PLA2G5: variants seen among roughly 807,000 people sequenced by gnomAD.
PLA2G5 encodes the protein phospholipase A2 group V.
A neutral mutation model predicts 15.9 loss-of-function variants in PLA2G5; 12 were observed. That is an observed-to-expected ratio of 0.76 (90% CI 0.48 to 1.23). PLA2G5 has a LOEUF of 1.23. PLA2G5 is among the 50% of genes most tolerant of loss of function. The pLI, the probability that PLA2G5 is intolerant of heterozygous loss-of-function variation, is 0.00. For synonymous variants in PLA2G5, 71 were observed against 71.4 expected (o/e 0.99, Z 0.03); for missense variants, 169 against 177.1 (o/e 0.95, Z 0.26).
intron 1 of PLA2G5, among the ~76,000 whole-genome samples, chr1:20,082,081 A>G (rs2016061412): frequency 6.6e-6 from 1 of 151,870 alleles, no homozygotes; most frequent in Non-Finnish European, 1.5e-5. Context: ...AGGCAGAAGG[A>G]GAGACTGAGG....
chr1:20,060,738 C>CT (rs5772879), intron 2 of PLA2G5, among the ~76,000 whole-genome samples: 100 of 144,190 alleles, frequency 6.9e-4, no homozygotes, highest in South Asian at 1.1e-3. Context: ...TCTTTCTTTT[C>CT]TTTTTTTTTT....
chr1:20,072,833 C>T (rs144802600), intron 1 of PLA2G5, among the ~76,000 whole-genome samples: 3 of 152,298 alleles, frequency 2.0e-5, no homozygotes, highest in East Asian at 1.9e-4. Context: ...CTAGACGTGA[C>T]GGACATTCTG....
At chr1:20,081,410 GAT>G (rs11573248) in intron 1 of PLA2G5, among the ~76,000 whole-genome samples, 39,292 of 151,626 alleles carry the variant, frequency 0.26, 6,212 homozygotes, top group Middle Eastern at 0.37. Flanking sequence ...CCATTGAAAA[GAT>G]AGCTTGTTAT....
chr1:20,080,102 A>G (rs760692058), intron 1 of PLA2G5, among the ~76,000 whole-genome samples: 5 of 152,074 alleles, frequency 3.3e-5, no homozygotes, highest in Non-Finnish European at 7.4e-5. Flanking sequence ...TGAGCAAAAC[A>G]GGATAAAATC....
chr1:20,055,977 T>A lies in PLA2G5; in HGVS notation n.277-3655T>A, dbSNP rs114443882. Among the ~76,000 whole-genome samples, 1,056 of 152,288 alleles carry A rather than the reference T, an allele frequency of 6.9e-3. 9 individuals are homozygous for A. Among genetic ancestry groups the A allele is most frequent in the African/African-American group, 0.023 (968 of 41,550 alleles). On this transcript the variant is annotated intron_variant and non_coding_transcript_variant, in intron 1 of 6. Coordinates refer to the PLA2G5 transcript ENST00000460175. The stretch of plus-strand genomic sequence containing the variant: ...GTCTGCAGGGAGTTTAGGAGTTATC[T>A]GGGTAAGTATTTTCTGCATCTTGGC...
chr1:20,035,291 G>A (rs921887674), intron 1 of PLA2G5, among the ~76,000 whole-genome samples: 1 of 152,108 alleles, frequency 6.6e-6, no homozygotes, highest in African/African-American at 2.4e-5. Flanking sequence ...GGGTGGGAGG[G>A]GAGTTGCGGG....
chr1:20,073,920 A>G lies in PLA2G5; in HGVS notation c.-11+3455A>G, dbSNP rs554554099. ...CCCTCTGCTACCTGCTAATAATATAACAAAGAACAAGATGAACATGTTTCC... is the reference window on the plus strand; with the variant it reads ...CCCTCTGCTACCTGCTAATAATATAGCAAAGAACAAGATGAACATGTTTCC... On this transcript the variant is annotated intron_variant, in intron 1 of 4. Coordinates refer to ENST00000375108, the MANE Select transcript of PLA2G5 (RefSeq NM_000929.3). 3.3e-5 allele frequency among the ~76,000 whole-genome samples: 5 copies of G among 152,276 alleles called. No homozygotes were observed. The South Asian group carries it at 1.0e-3, about 32-fold the overall frequency.
In PLA2G5 at chr1:20,090,920, G is replaced by A. The variant is rs2016538253; in HGVS notation, c.*228G>A. 2.1e-6 allele frequency: 1 copy of A among 472,816 alleles called. No individual in the cohort carries two copies. 29.3% of individuals were successfully genotyped at this position (472,816 alleles called of 1,614,324 possible). ...CCAGGGTCCCTAGGCCTCCACTTCTGAGGGCAGCCCCTCTGGTGCCAAGAG... is the reference window on the plus strand; with the variant it reads ...CCAGGGTCCCTAGGCCTCCACTTCTAAGGGCAGCCCCTCTGGTGCCAAGAG... On this transcript the variant is annotated 3_prime_UTR_variant, in exon 5 of 5. Transcript: ENST00000375108.
chr1:20,047,727 T>C (rs983755975), intron 1 of PLA2G5, among the ~76,000 whole-genome samples: 1 of 27,392 alleles, frequency 3.7e-5, no homozygotes, highest in African/African-American at 9.6e-5. Flanking sequence ...TTTGTGTGTG[T>C]GTGTGTGTGT....
At chr1:20,079,630 C>T (rs2015895791) in intron 1 of PLA2G5, among the ~76,000 whole-genome samples, 1 of 152,180 alleles carries the variant, frequency 6.6e-6, no homozygotes, top group Non-Finnish European at 1.5e-5. Context: ...CCCACCTGAG[C>T]CTCCCAGGGT....
rs2015795600 is a variant in PLA2G5 at position 20,078,228 on chromosome 1, G to A, written c.-10-6593G>A. ...TGCCAGGCTTTGGGGGTCCCTGAGG[G>A]CAAGCTCAAGGATGCAGCAGATGCC... is the stretch of plus-strand genomic sequence containing the variant. On this transcript the variant is annotated intron_variant, in intron 1 of 4. Transcript: ENST00000375108. 2.0e-5 allele frequency among the ~76,000 whole-genome samples: 3 copies of A among 152,180 alleles called. No individual in the cohort carries two copies. The South Asian group carries it at 6.2e-4, about 32-fold the overall frequency.
intron 1 of PLA2G5, among the ~76,000 whole-genome samples, chr1:20,083,520 A>G (rs1267771956): frequency 6.6e-6 from 1 of 151,868 alleles, no homozygotes; most frequent in African/African-American, 2.4e-5. Context: ...GGAGGAAGGC[A>G]ATCAGGCAGC....
intron 1 of PLA2G5, among the ~76,000 whole-genome samples, chr1:20,039,559 T>G (rs1288263890): frequency 6.6e-6 from 1 of 152,198 alleles, no homozygotes; most frequent in African/African-American, 2.4e-5. Context: ...ATACTGGATT[T>G]AACACCAACT....
rs1199189079 is a variant in PLA2G5, at chr1:20,091,080, A to G, written c.*388A>G. On this transcript the variant is annotated 3_prime_UTR_variant, in exon 5 of 5. Coordinates refer to ENST00000375108, the MANE Select transcript of PLA2G5 (RefSeq NM_000929.3). ...CAGATTATCATCACCACCACCCTCC[A>G]GAGAATTTTTACGCAAGAAGAGCCA... 1.2e-5 allele frequency: 2 copies of G among 168,110 alleles called. No homozygotes were observed. The highest frequency in any genetic ancestry group is 2.6e-5 in the Non-Finnish European group (2 of 78,104). 10.4% of individuals were successfully genotyped at this position (168,110 alleles called of 1,614,324 possible).
chr1:20,070,166 G>A (rs2015276085), upstream of PLA2G5: 4 of 983,660 alleles, frequency 4.1e-6, no homozygotes, highest in Non-Finnish European at 4.8e-6. Context: ...GGCCCTGATT[G>A]TGCAGGACTT....
At chr1:20,082,107 A>T (rs1253343763) in intron 1 of PLA2G5, among the ~76,000 whole-genome samples, 2 of 151,900 alleles carry the variant, frequency 1.3e-5, no homozygotes, top group Admixed American at 1.3e-4. Context: ...TTCACAGCAG[A>T]AGTGAAAGCT....
At chr1:20,059,359 T>C (rs2014589799) in intron 1 of PLA2G5, among the ~76,000 whole-genome samples, 2 of 151,602 alleles carry the variant, frequency 1.3e-5, no homozygotes, top group African/African-American at 4.8e-5. Flanking sequence ...GCCTAGGACA[T>C]CATGGCTGCA....
At chr1:20,036,654 A>AT (rs1274605555) in intron 1 of PLA2G5, among the ~76,000 whole-genome samples, 2 of 151,812 alleles carry the variant, frequency 1.3e-5, no homozygotes, top group African/African-American at 2.4e-5. Context: ...ATCCTGTATT[A>AT]TTTTTTAAAT....
At chr1:20,043,128 G>C (rs1286870832) in intron 1 of PLA2G5, among the ~76,000 whole-genome samples, 2 of 152,136 alleles carry the variant, frequency 1.3e-5, no homozygotes, top group South Asian at 4.1e-4. Flanking sequence ...AAGAGGGGCT[G>C]GGATGAGGGG....
Sources: allele counts gnomAD v4.1 joint callset (sites outside exome capture counted in the v4.1 genomes callset), GRCh38; gene constraint gnomAD v4.1.1; transcripts MANE v1.5; gene names NCBI Gene and HGNC (gene_info 2026-07-23, HGNC 2026-07-21).